The following MECOM variants were observed in gnomAD, a reference collection of about 807,000 sequenced individuals.
The protein encoded by MECOM is MDS1 and EVI1 complex locus.
In MECOM, 13 loss-of-function variants were observed where a neutral mutation model predicts 116.3. That is an observed-to-expected ratio of 0.11 (90% confidence interval 0.07 to 0.18). MECOM has a LOEUF of 0.18. MECOM is among the 10% of genes least tolerant of loss of function. The pLI, the probability that MECOM is intolerant of heterozygous loss-of-function variation, is 1.00. For missense variants in MECOM, 1,299 were observed against 1,509.0 expected, an observed-to-expected ratio of 0.86 and a Z score of 2.31; for synonymous variants, 528 against 535.2, an observed-to-expected ratio of 0.99 and a Z score of 0.19.
intron 2 of MECOM, among the ~76,000 whole-genome samples, chr3:169,170,153 C>T (rs1205780795): frequency 6.6e-6 from 1 of 152,102 alleles, no homozygotes; most frequent in Non-Finnish European, 1.5e-5. Context: ...TGGCTCACAC[C>T]TGTAATCCCA....
At chr3:169,628,461 G>T (rs1204274069) in intron 1 of MECOM, among the ~76,000 whole-genome samples, 5 of 152,310 alleles carry the variant, frequency 3.3e-5, no homozygotes, top group African/African-American at 9.6e-5. Flanking sequence ...TTTATTAAAA[G>T]ATTCAATTAG....
chr3:169,317,571 G>T (rs1007817799), intron 2 of MECOM, among the ~76,000 whole-genome samples: 1 of 152,034 alleles, frequency 6.6e-6, no homozygotes, highest in Non-Finnish European at 1.5e-5. Flanking sequence ...TTCAAGAAAC[G>T]AAATCCTGGT....
At chr3:169,489,577 C>A (rs926927430) in intron 1 of MECOM, among the ~76,000 whole-genome samples, 1 of 152,114 alleles carries the variant, frequency 6.6e-6, no homozygotes, top group Non-Finnish European at 1.5e-5. Context: ...ACCCAAGGAA[C>A]AAACCTGCAC....
chr3:169,527,636 G>GT (rs1758113394), intron 1 of MECOM, among the ~76,000 whole-genome samples: 1 of 152,122 alleles, frequency 6.6e-6, no homozygotes, highest in African/African-American at 2.4e-5. Context: ...CTTCATGTTT[G>GT]TTTTTTGTTC....
intron 1 of MECOM, among the ~76,000 whole-genome samples, chr3:169,518,651 A>T (rs1268469559): frequency 6.6e-6 from 1 of 152,156 alleles, no homozygotes; most frequent in East Asian, 1.9e-4. Flanking sequence ...AGATTCTCAT[A>T]ATAATTCTAA....
At chr3:169,595,440 A>T (rs1767021074) in intron 1 of MECOM, among the ~76,000 whole-genome samples, 1 of 152,234 alleles carries the variant, frequency 6.6e-6, no homozygotes, top group Admixed American at 6.5e-5. Context: ...GTAATTATAC[A>T]CATATACACT....
At chr3:169,314,693 T>A (rs144662164) in intron 2 of MECOM, among the ~76,000 whole-genome samples, 1 of 151,126 alleles carries the variant, frequency 6.6e-6, no homozygotes, top group Non-Finnish European at 1.5e-5. Flanking sequence ...GAAGGGGAAC[T>A]AGGGAAGAGT....
At chr3:169,525,034 A>G (rs1285010046) in intron 1 of MECOM, among the ~76,000 whole-genome samples, 1 of 152,206 alleles carries the variant, frequency 6.6e-6, no homozygotes, top group Non-Finnish European at 1.5e-5. Flanking sequence ...TTCCAAATTC[A>G]AATCTTTCTC....
intron 1 of MECOM, among the ~76,000 whole-genome samples, chr3:169,646,438 G>A (rs895485466): frequency 6.6e-6 from 1 of 151,696 alleles, no homozygotes; most frequent in African/African-American, 2.4e-5. Context: ...GTTGTGCACA[G>A]GTACCCTAGA....
chr3:169,574,565 A>T (rs967788898), intron 1 of MECOM, among the ~76,000 whole-genome samples: 1 of 152,254 alleles, frequency 6.6e-6, no homozygotes, highest in Non-Finnish European at 1.5e-5. Flanking sequence ...CATCATTCCA[A>T]GCAAATGGTA....
At chr3:169,117,294 T>A (rs964202922) in intron 7 of MECOM, among the ~76,000 whole-genome samples, 1 of 152,192 alleles carries the variant, frequency 6.6e-6, no homozygotes, top group Non-Finnish European at 1.5e-5. Flanking sequence ...TATCATATGC[T>A]CTCATCATTC....
At chr3:169,287,317 C>T (rs761434429) in intron 2 of MECOM, among the ~76,000 whole-genome samples, 1 of 152,140 alleles carries the variant, frequency 6.6e-6, no homozygotes, top group African/African-American at 2.4e-5. Context: ...CCACTGACAG[C>T]CAAGCTGTCC....
At chr3:169,373,850 G>A (rs1486209181) in intron 2 of MECOM, among the ~76,000 whole-genome samples, 1 of 151,908 alleles carries the variant, frequency 6.6e-6, no homozygotes, top group African/African-American at 2.4e-5. Context: ...TCCTCTTTCA[G>A]AGTCACATAA....
chr3:169,538,694 G>C (rs938464245), intron 1 of MECOM, among the ~76,000 whole-genome samples: 1 of 152,148 alleles, frequency 6.6e-6, no homozygotes, highest in African/African-American at 2.4e-5. Flanking sequence ...CTTCCTCCCA[G>C]AGTAGATGTT....
intron 1 of MECOM, among the ~76,000 whole-genome samples, chr3:169,409,195 C>T (rs983729061): frequency 6.6e-6 from 1 of 152,130 alleles, no homozygotes; most frequent in Non-Finnish European, 1.5e-5. Context: ...CTGAGAAGAG[C>T]GACTCTCACA....
At position 169,528,089 on chromosome 3, in the gene MECOM, AG is replaced by A. The variant is rs1473270333; in HGVS notation, c.37+135246del. On this transcript the variant is annotated intron_variant, in intron 1 of 16. Coordinates refer to ENST00000651503, the MANE Select transcript of MECOM (RefSeq NM_004991.4). ...CATGGGAACAGACTTCCTCCTTTCG[AG>A]CAGTGGTCTATTTTCTGAGCCAAAC... Among the ~76,000 whole-genome samples the A allele has an allele frequency of 3.8e-4, 58 of 152,116 alleles. 1 individual carries two copies. The highest frequency in any genetic ancestry group is 1.5e-5 in the Non-Finnish European group (1 of 68,022).
chr3:169,361,176 C>T (rs1051738002), intron 2 of MECOM, among the ~76,000 whole-genome samples: 4 of 151,824 alleles, frequency 2.6e-5, no homozygotes, highest in Non-Finnish European at 4.4e-5. Context: ...CCTGCTCCAC[C>T]GCACTACAAG....
At chr3:169,534,402 A>T (rs1212725682) in intron 1 of MECOM, among the ~76,000 whole-genome samples, 1 of 152,092 alleles carries the variant, frequency 6.6e-6, no homozygotes, top group Non-Finnish European at 1.5e-5. Flanking sequence ...AGACATACTG[A>T]TTTTCCCAGG....
At chr3:169,279,015 A>C (rs893038372) in intron 2 of MECOM, among the ~76,000 whole-genome samples, 2 of 152,208 alleles carry the variant, frequency 1.3e-5, no homozygotes, top group Non-Finnish European at 2.9e-5. Flanking sequence ...AATGAAAGGG[A>C]TAAAAACTAT....
Sources: allele counts gnomAD v4.1 joint callset (sites outside exome capture counted in the v4.1 genomes callset), GRCh38; gene constraint gnomAD v4.1.1; transcripts MANE v1.5; gene names NCBI Gene and HGNC (gene_info 2026-07-23, HGNC 2026-07-21).